The following FAM222B variants were observed in gnomAD, a reference collection of about 807,000 sequenced individuals.
FAM222B encodes family with sequence similarity 222 member B, also known as protein FAM222B.
A neutral mutation model predicts 38.0 loss-of-function variants in FAM222B; 12 were observed. That is an observed-to-expected ratio of 0.32 (90% CI 0.20 to 0.51). FAM222B has a LOEUF of 0.51. Among genes scored for constraint, FAM222B ranks in the 20% least tolerant of loss-of-function variants. The pLI is 0.97. For synonymous variants in FAM222B, 329 were observed against 317.2 expected, an observed-to-expected ratio of 1.04 and a Z score of -0.40; for missense variants, 716 against 754.2, an observed-to-expected ratio of 0.95 and a Z score of 0.59.
At chr17:28,766,924 T>C in intron 1 of FAM222B, 1 of 455,428 alleles carries the variant, frequency 2.2e-6, no homozygotes, top group Non-Finnish European at 4.0e-6. Context: ...TTACCACAGA[T>C]GTATGGATGG....
chr17:28,804,492 G>A (rs557893904), intron 1 of FAM222B, among the ~76,000 whole-genome samples: 15 of 151,886 alleles, frequency 9.9e-5, no homozygotes, highest in Non-Finnish European at 1.6e-4. Context: ...GCGCCACCAC[G>A]CCCAGCTAAC....
At chr17:28,778,173 C>T (rs200479176) in intron 1 of FAM222B, among the ~76,000 whole-genome samples, 1 of 151,910 alleles carries the variant, frequency 6.6e-6, no homozygotes, top group Non-Finnish European at 1.5e-5. Context: ...TGGTAGTTTG[C>T]TGCACCTATC....
intron 1 of FAM222B, among the ~76,000 whole-genome samples, chr17:28,809,579 T>C (rs1017796991): frequency 2.6e-5 from 4 of 152,210 alleles, no homozygotes; most frequent in Non-Finnish European, 4.4e-5. Flanking sequence ...CATTTATGAT[T>C]AGTTCTATAC....
At chr17:28,791,034 C>T (rs1482478493) in intron 1 of FAM222B, among the ~76,000 whole-genome samples, 5 of 150,544 alleles carry the variant, frequency 3.3e-5, no homozygotes, top group Admixed American at 1.3e-4. Flanking sequence ...GAGTAGCCGG[C>T]GTAGCTGGGA....
rs925848897 is a variant in FAM222B, at chr17:28,759,100, C to T, written c.859G>A (p.Val287Met). Residue 287 changes from valine (V) to methionine (M), a missense_variant, in exon 3 of 3, where the codon GTG becomes ATG. By Grantham distance (21) the Val-to-Met change is conservative. Transcript: ENST00000581407. The surrounding 1 kb of genome is among the most constrained non-coding windows in gnomAD (Gnocchi z 4.8). ...QTRAGISTTSVCEGQIANPSP... is the reference protein window; with the variant it reads ...QTRAGISTTSMCEGQIANPSP... Reference sequence around the variant, plus strand: ...GGGTTGGCGATCTGGCCCTCACACACTGAGGTAGTGCTGATGCCTGCCCTC... The same window carrying T: ...GGGTTGGCGATCTGGCCCTCACACATTGAGGTAGTGCTGATGCCTGCCCTC... 1 of 1,611,674 alleles carries T rather than the reference C, an allele frequency of 6.2e-7. No homozygotes were observed. Among genetic ancestry groups the T allele is most frequent in the East Asian group, 2.2e-5 (1 of 44,782 alleles).
At chr17:28,783,200 G>C (rs2036238639) in intron 1 of FAM222B, among the ~76,000 whole-genome samples, 2 of 150,512 alleles carry the variant, frequency 1.3e-5, no homozygotes, top group South Asian at 4.2e-4. Context: ...ATACAAATTA[G>C]TTTCTCCTAA....
At chr17:28,764,848 CTT>C (rs1227067078) in intron 2 of FAM222B, among the ~76,000 whole-genome samples, 1 of 152,144 alleles carries the variant, frequency 6.6e-6, no homozygotes, top group Non-Finnish European at 1.5e-5. Context: ...GATATCACAT[CTT>C]TGGGTAAAGC....
chr17:28,801,609 T>A (rs997162040), intron 1 of FAM222B, among the ~76,000 whole-genome samples: 1 of 151,420 alleles, frequency 6.6e-6, no homozygotes, highest in Non-Finnish European at 1.5e-5. Context: ...TTTACTATTA[T>A]TATTATTATT....
At chr17:28,774,844 A>T (rs982107467) in intron 1 of FAM222B, among the ~76,000 whole-genome samples, 1 of 151,584 alleles carries the variant, frequency 6.6e-6, no homozygotes, top group African/African-American at 2.4e-5. Flanking sequence ...CAGGAGGCTG[A>T]GGCAAGAGAA....
At position 28,759,350 on chromosome 17, in the gene FAM222B, G is replaced by A. The variant is rs777405889; in HGVS notation, c.609C>T (p.Ala203=). 6.2e-7 allele frequency: 1 copy of A among 1,609,820 alleles called. No individual in the cohort carries two copies. The highest frequency in any genetic ancestry group is 2.2e-5 in the East Asian group (1 of 44,798). Residue 203 remains alanine, a synonymous_variant, in exon 3 of 3, where the codon GCC becomes GCT. Coordinates refer to ENST00000581407, the MANE Select transcript of FAM222B (RefSeq NM_001077498.3). This position sits in a 1 kb window ranked among gnomAD's most constrained non-coding sequence, Gnocchi z 4.8. ...GAGGGTGGACCAAGCCCTGGGTTTG[G>A]GCCATGGGCTGAGGGTGGCCCAGGC... is the stretch of plus-strand genomic sequence containing the variant. ...PQGLGHPQPM[A]QTQGLVHPQA... is the part of the protein sequence containing the mutation.
intron 1 of FAM222B, among the ~76,000 whole-genome samples, chr17:28,779,548 G>T (rs944438325): frequency 2.6e-5 from 4 of 151,908 alleles, no homozygotes; most frequent in Non-Finnish European, 5.9e-5. Context: ...TCAGGAGATC[G>T]TGACCATCCT....
chr17:28,757,046 G>C lies in FAM222B; in HGVS notation c.*1224C>G, dbSNP rs933565918. On this transcript the variant is annotated 3_prime_UTR_variant, in exon 3 of 3. Transcript: ENST00000581407. ...AAGTGTTTCTAGCCAACTAATTGTC[G>C]CTTGGGATGAGACGTGCTGAGCATG... is the stretch of plus-strand genomic sequence containing the variant. 1.3e-5 allele frequency: 2 copies of C among 152,602 alleles called. No homozygotes were observed. The highest frequency in any genetic ancestry group is 2.4e-5 in the African/African-American group (1 of 41,434). 9.5% of individuals were successfully genotyped at this position (152,602 alleles called of 1,614,324 possible). A position where few individuals can be genotyped will look rare whatever the true frequency, so the allele number is the denominator to read the frequency against.
chr17:28,784,634 T>C (rs1356451587), intron 1 of FAM222B, among the ~76,000 whole-genome samples: 1 of 144,822 alleles, frequency 6.9e-6, no homozygotes, highest in Non-Finnish European at 1.5e-5. Context: ...ATCGAGACCA[T>C]CCTGGCTAAC....
chr17:28,850,975 C>G (rs1004939249), intron 1 of FAM222B, among the ~76,000 whole-genome samples: 4 of 151,564 alleles, frequency 2.6e-5, no homozygotes, highest in African/African-American at 9.7e-5. Flanking sequence ...AAAAATTAGC[C>G]GGGCTTGGTG....
upstream of FAM222B, among the ~76,000 whole-genome samples, chr17:28,845,597 GA>G (rs1325842698): frequency 6.6e-6 from 1 of 150,980 alleles, no homozygotes; most frequent in Non-Finnish European, 1.5e-5. Context: ...AGGAAAAAAA[GA>G]AAAAATAAAT....
chr17:28,770,597 G>A (rs1455133894), intron 1 of FAM222B, among the ~76,000 whole-genome samples: 1 of 145,898 alleles, frequency 6.9e-6, no homozygotes, highest in East Asian at 2.0e-4. Context: ...TTGAGACAGA[G>A]TCTTGCTCTC....
At chr17:28,816,792 T>A (rs1035989) in intron 1 of FAM222B, among the ~76,000 whole-genome samples, 1 of 152,002 alleles carries the variant, frequency 6.6e-6, no homozygotes, top group Non-Finnish European at 1.5e-5. Context: ...TTCATTAGAC[T>A]TCAAGAGAAC....
intron 1 of FAM222B, among the ~76,000 whole-genome samples, chr17:28,851,512 A>G (rs984993777): frequency 1.4e-5 from 2 of 147,634 alleles, no homozygotes; most frequent in Admixed American, 1.4e-4. Flanking sequence ...CCAGCCTGGG[A>G]GTCTCAAACG....
At position 28,758,246 on chromosome 17, in the gene FAM222B, G is replaced by C. The variant is rs1567778821; in HGVS notation, c.*24C>G. The C allele has an allele frequency of 6.6e-7, 1 of 1,524,204 alleles. No individual in the cohort carries two copies. Among genetic ancestry groups the C allele is most frequent in the Non-Finnish European group, 8.8e-7 (1 of 1,131,054 alleles). 94.4% of individuals were successfully genotyped at this position (1,524,204 alleles called of 1,614,324 possible). A position where few individuals can be genotyped will look rare whatever the true frequency, so the allele number is the denominator to read the frequency against. ...CTAGGAGGGTGATGTATGATGTGTT[G>C]CACGTGGAGGGCAGCAGGGCTACCT... On this transcript the variant is annotated 3_prime_UTR_variant, in exon 3 of 3. Coordinates refer to ENST00000581407, the MANE Select transcript of FAM222B (RefSeq NM_001077498.3).
Sources: allele counts gnomAD v4.1 joint callset (sites outside exome capture counted in the v4.1 genomes callset), GRCh38; gene constraint gnomAD v4.1.1; non-coding constraint Gnocchi (gnomAD v3.1); transcripts MANE v1.5; gene names NCBI Gene and HGNC (gene_info 2026-07-23, HGNC 2026-07-21).